Variants in MYLK3 observed in about 807,000 individuals in gnomAD.
MYLK3 encodes the protein MLC kinase.
A neutral mutation model predicts 76.3 loss-of-function variants in MYLK3; 55 were observed. That is an observed-to-expected ratio of 0.72 (90% confidence interval 0.58 to 0.90). The LOEUF (loss-of-function observed/expected upper bound fraction) is 0.90. Among genes scored for constraint, MYLK3 ranks in the 40% least tolerant of loss-of-function variants. The pLI is 0.00. For missense variants in MYLK3, 973 were observed against 1,053.6 expected, an observed-to-expected ratio of 0.92 and a Z score of 1.06; for synonymous variants, 416 against 425.4, an observed-to-expected ratio of 0.98 and a Z score of 0.27.
upstream of MYLK3, among the ~76,000 whole-genome samples, chr16:46,749,068 C>G (rs1389886301): frequency 6.6e-6 from 1 of 152,246 alleles, no homozygotes; most frequent in Non-Finnish European, 1.5e-5. Flanking sequence ...AGCAGGGACC[C>G]AGAGCACAAC....
intron 7 of MYLK3, among the ~76,000 whole-genome samples, chr16:46,728,728 A>C (rs1966846926): frequency 6.6e-6 from 1 of 152,222 alleles, no homozygotes; most frequent in Non-Finnish European, 1.5e-5. Context: ...CTCTAAAAAA[A>C]GTTTCAATTT....
At chr16:46,758,912 A>C (rs1468340381) in intron 1 of MYLK3, among the ~76,000 whole-genome samples, 1 of 152,202 alleles carries the variant, frequency 6.6e-6, no homozygotes, top group Non-Finnish European at 1.5e-5. Flanking sequence ...CGAGATATTC[A>C]ATATTGGTTG....
Position 46,732,592 on chromosome 16 carries a change from G to C in MYLK3, c.1078C>G (p.Leu360Val). The C allele has an allele frequency of 6.3e-7, 1 of 1,596,688 alleles. No homozygotes were observed. Among genetic ancestry groups the C allele is most frequent in the South Asian group, 1.1e-5 (1 of 90,710 alleles). Residue 360 changes from leucine to valine, a missense_variant, in exon 4 of 13, where the codon CTC becomes GTC. Physicochemically the swap from Leu to Val is conservative, Grantham distance 32 (BLOSUM62 1). Around this residue, in one of 2 missense-constraint regions of MYLK3, gnomAD observed 641 missense variants for 637.0 expected, o/e 1.01. Transcript: ENST00000394809. ...GCAGCTGCTGGAGCCTCTGTGGTGA[G>C]GGTGGGTCCAAGGCTGCCCCTGCCT... Reference protein sequence around the residue: ...MTGRGSLGPTLTTEAPAAAQP... With the variant: ...MTGRGSLGPTVTTEAPAAAQP...
intron 7 of MYLK3, 137 bp downstream of exon 7, chr16:46,728,887 A>G (rs1268034345): frequency 4.6e-6 from 3 of 646,482 alleles, no homozygotes; most frequent in Non-Finnish European, 8.1e-6. Flanking sequence ...GCCAAGCCAG[A>G]GAAGACAGGA....
chr16:46,726,765 AAGAG>A (rs934359933), intron 8 of MYLK3: 2 of 145,076 alleles, frequency 1.4e-5, no homozygotes, highest in Non-Finnish European at 3.0e-5. Flanking sequence ...AAAGAAAAGA[AAGAG>A]AGAGAGGGGG....
chr16:46,711,988 A>G lies in MYLK3; in HGVS notation c.2114+660T>C, dbSNP rs1966688758. On this transcript the variant is annotated intron_variant, in intron 10 of 12. Transcript: ENST00000394809. Reference sequence around the variant, plus strand: ...CAAAAAATTCAATGGCTCAAGCCATAATTTTTTTTTTTTTTTTTTTGAGAC... The same window carrying G: ...CAAAAAATTCAATGGCTCAAGCCATGATTTTTTTTTTTTTTTTTTTGAGAC... Among the ~76,000 whole-genome samples the G allele has an allele frequency of 3.2e-5, 3 of 93,392 alleles. No individual in the cohort carries two copies. The South Asian group carries it at 1.4e-3, about 44-fold the overall frequency. The allele number at this position is 93,392 out of a possible 152,430, so 61.3% of individuals were successfully genotyped here. A position where few individuals can be genotyped will look rare whatever the true frequency, so the allele number is the denominator to read the frequency against.
Position 46,729,602 on chromosome 16 carries a change from T to A in MYLK3, c.1654A>T (p.Lys552Ter). 1 of 1,613,698 alleles carries A rather than the reference T, an allele frequency of 6.2e-7. No individual in the cohort carries two copies. The highest frequency in any genetic ancestry group is 8.5e-7 in the Non-Finnish European group (1 of 1,179,772). The change falls in exon 6 of 13, where the codon AAG becomes TAG. Residue 552 changes from lysine to a stop codon, truncating the protein, a stop_gained. Transcript: ENST00000394809. LOFTEE classifies it high-confidence loss of function. ...AAKIIKVKSA[K>*]DREDVKNEIN... is the part of the protein sequence containing the mutation. ...CCAGCCAGATGCCTCACCCGGTCCT[T>A]GGCGCTCTTCACTTTGATGATCTTG...
intron 3 of MYLK3, among the ~76,000 whole-genome samples, chr16:46,733,380 A>C (rs1356653216): frequency 6.6e-6 from 1 of 152,148 alleles, no homozygotes; most frequent in Non-Finnish European, 1.5e-5. Flanking sequence ...AAATAAAATC[A>C]GGCAATTCTC....
intron 12 of MYLK3, 44 bp downstream of exon 12, chr16:46,709,495 T>C: frequency 6.3e-7 from 1 of 1,587,188 alleles, no homozygotes. Context: ...CAAGGACAGA[T>C]TAGGATGACA....
chr16:46,748,269 GTGTCTGCAAGGTCAT>G lies in MYLK3; in HGVS notation c.-91_-77del. The stretch of plus-strand genomic sequence containing the variant: ...ACCCCTGGTTCTCACTCAGGCGGTG[GTGTCTGCAAGGTCAT>G]TGTCCTCCGTAGCTGACAGACTCCT... On this transcript the variant is annotated 5_prime_UTR_variant, in exon 1 of 13. It removes an upstream start codon present in the reference 5' UTR. Transcript: ENST00000394809. This position sits in a 1 kb window ranked among gnomAD's most constrained non-coding sequence, Gnocchi z 4.3. The G allele has an allele frequency of 6.6e-7, 1 of 1,513,644 alleles. No individual in the cohort carries two copies. Among genetic ancestry groups the G allele is most frequent in the Non-Finnish European group, 8.8e-7 (1 of 1,133,772 alleles). The allele number at this position is 1,513,644 out of a possible 1,614,324, so 93.8% of individuals were successfully genotyped here. A position where few individuals can be genotyped will look rare whatever the true frequency, so the allele number is the denominator to read the frequency against.
intron 7 of MYLK3, among the ~76,000 whole-genome samples, 200 bp from the exon 8 acceptor site, chr16:46,727,577 A>C (rs1966845197): frequency 6.6e-6 from 1 of 152,180 alleles, no homozygotes; most frequent in Non-Finnish European, 1.5e-5. Context: ...CCCAGGCTGG[A>C]GTGCAGTGGC....
In MYLK3 at chr16:46,732,490, G is replaced by A; in HGVS notation, c.1180C>T (p.Pro394Ser). 1 of 1,608,778 alleles carries A rather than the reference G, an allele frequency of 6.2e-7. No individual in the cohort carries two copies. Among genetic ancestry groups the A allele is most frequent in the Non-Finnish European group, 8.5e-7 (1 of 1,179,906 alleles). ...GGGGAGAGCTCTCTGGCTCCTTCAGGGGTCTGTTCTCCGGGCTCAGTCCCA... is the reference window on the plus strand; with the variant it reads ...GGGGAGAGCTCTCTGGCTCCTTCAGAGGTCTGTTCTCCGGGCTCAGTCCCA... ...APGTEPGEQT[P>S]EGARELSPLQ... is the part of the protein sequence containing the mutation. Residue 394 changes from proline to serine, a missense_variant, in exon 4 of 13, where the codon CCT becomes TCT. Coordinates refer to ENST00000394809, the MANE Select transcript of MYLK3 (RefSeq NM_182493.3).
At chr16:46,736,104 C>A (rs924677787) in intron 3 of MYLK3, among the ~76,000 whole-genome samples, 1 of 152,160 alleles carries the variant, frequency 6.6e-6, no homozygotes, top group Non-Finnish European at 1.5e-5. Flanking sequence ...ACCTCCTGGG[C>A]TCAAGTGATC....
intron 1 of MYLK3, among the ~76,000 whole-genome samples, chr16:46,745,608 T>C (rs148695277): frequency 0.01 from 1,592 of 152,116 alleles, 6 homozygotes; most frequent in Non-Finnish European, 0.017. Flanking sequence ...TAGCCGGGCA[T>C]GGTGGAGGGC....
At chr16:46,723,594 T>C (rs1966820389) in intron 8 of MYLK3, among the ~76,000 whole-genome samples, 1 of 152,088 alleles carries the variant, frequency 6.6e-6, no homozygotes, top group Admixed American at 6.6e-5. Context: ...AATGCACATT[T>C]TACAACCCCA....
intron 3 of MYLK3, among the ~76,000 whole-genome samples, chr16:46,735,568 G>A (rs969741325): frequency 1.3e-5 from 2 of 152,136 alleles, no homozygotes; most frequent in African/African-American, 2.4e-5. Context: ...TGAAGGCCCC[G>A]TCCCCGTGTC....
intron 10 of MYLK3, chr16:46,711,029 C>T: frequency 2.0e-6 from 1 of 510,412 alleles, no homozygotes; most frequent in East Asian, 3.5e-5. Flanking sequence ...CTCTTGTGCT[C>T]ACCTCTTTCC....
At chr16:46,760,275 A>G (rs1341860664) in intron 1 of MYLK3, among the ~76,000 whole-genome samples, 1 of 151,850 alleles carries the variant, frequency 6.6e-6, no homozygotes, top group Non-Finnish European at 1.5e-5. Context: ...AGTCCCTTCG[A>G]CTCCTACAAA....
Position 46,747,138 on chromosome 16 carries a change from T to C in MYLK3, c.477+579A>G, listed in dbSNP as rs377360510. Among the ~76,000 whole-genome samples, 6 of 152,232 alleles carry C rather than the reference T, an allele frequency of 3.9e-5. No individual in the cohort carries two copies. In the East Asian group the frequency reaches 1.2e-3, roughly 29 times the overall value. ...GCCAAGCTTCCATTAGCCTGCAGGA[T>C]TGATTATGCAACTCTTAGGAACAGC... On this transcript the variant is annotated intron_variant, in intron 1 of 12. Coordinates refer to ENST00000394809, the MANE Select transcript of MYLK3 (RefSeq NM_182493.3).
Sources: gnomAD v4.1 joint callset for allele counts (sites outside exome capture counted in the v4.1 genomes callset) on GRCh38, gnomAD v4.1.1 for gene constraint, gnomAD v4.1.1 regional missense constraint, Gnocchi (gnomAD v3.1) non-coding constraint, MANE v1.5 for transcripts, NCBI Gene and HGNC (gene_info 2026-07-23, HGNC 2026-07-21) for gene names.